Variants in HOXD1 observed in about 807,000 individuals in gnomAD.
The protein encoded by HOXD1 is homeobox protein Hox-D1.
A neutral mutation model predicts 19.9 loss-of-function variants in HOXD1; 17 were observed. The observed-to-expected ratio is 0.85, with a 90% CI of 0.58 to 1.28. The LOEUF is 1.28. Ranked by LOEUF, HOXD1 falls within the 50% of genes most tolerant of loss-of-function variation. HOXD1 has a pLI of 0.00. For synonymous variants in HOXD1, 239 were observed against 216.0 expected (o/e 1.11, Z -0.93); for missense variants, 500 against 460.1 (o/e 1.09, Z -0.79).
Position 176,190,515 on chromosome 2 carries a change from A to G in HOXD1, c.*373A>G. 1 of 203,942 alleles carries G rather than the reference A, an allele frequency of 4.9e-6. No individual in the cohort carries two copies. The highest frequency in any genetic ancestry group is 2.3e-5 in the African/African-American group (1 of 43,454). 12.6% of individuals were successfully genotyped at this position (203,942 alleles called of 1,614,324 possible). A position where few individuals can be genotyped will look rare whatever the true frequency, so the allele number is the denominator to read the frequency against. On this transcript the variant is annotated 3_prime_UTR_variant, in exon 2 of 2. Coordinates refer to ENST00000331462, the MANE Select transcript of HOXD1 (RefSeq NM_024501.3). ...ATGTGCTCAGAAGAGCACCTGCCCA[A>G]AGTTTTTCTGGTTTTAATTTAAAGG...
In HOXD1 at chr2:176,189,127, T is replaced by C. The variant is rs1259731089; in HGVS notation, c.326T>C (p.Leu109Pro). Residue 109 changes from leucine to proline, a missense_variant, in exon 1 of 2, where the codon CTG becomes CCG. Leu to Pro is a moderately conservative substitution (Grantham distance 98, BLOSUM62 -3). Coordinates refer to ENST00000331462, the MANE Select transcript of HOXD1 (RefSeq NM_024501.3). ...GCTGGGGGCGCGGACTACGGCTTCC[T>C]GGGGTCCGGGCCGGCGTACGACTTC... The part of the protein sequence containing the change: ...AAAGGADYGF[L>P]GSGPAYDFPG... 2 of 1,566,910 alleles carry C rather than the reference T, an allele frequency of 1.3e-6. No individual in the cohort carries two copies. Among genetic ancestry groups the C allele is most frequent in the South Asian group, 2.4e-5 (2 of 84,948 alleles).
At position 176,189,452 on chromosome 2, in the gene HOXD1, AG is replaced by A; in HGVS notation, c.652+1del. 6.2e-7 allele frequency: 1 copy of A among 1,611,688 alleles called. No individual in the cohort carries two copies. Among genetic ancestry groups the A allele is most frequent in the African/African-American group, 1.3e-5 (1 of 74,956 alleles). On this transcript the variant is annotated frameshift_variant and splice_region_variant, in exon 1 of 2. Coordinates refer to ENST00000331462, the MANE Select transcript of HOXD1 (RefSeq NM_024501.3). LOFTEE classifies it high-confidence loss of function. ...MKVKRNASKK[G>X]KLAEYGAASP... ...AAGTGAAGAGGAATGCCTCTAAGAA[AG>A]GTAAGTCCGCGGGCCTTGGATGGGG... is the stretch of plus-strand genomic sequence containing the variant.
Position 176,189,359 on chromosome 2 carries a change from C to A in HOXD1, c.558C>A (p.Gly186=), listed in dbSNP as rs1266431776. Residue 186 remains glycine (G), a synonymous_variant, in exon 1 of 2, where the codon GGC becomes GGA. Transcript: ENST00000331462. ...GAFQTASPAP[G]TYPKSVSPAS... ...TCCAGACCGCATCCCCGGCCCCAGG[C>A]ACCTACCCCAAGTCCGTCTCTCCCG... 1 of 1,613,248 alleles carries A rather than the reference C, an allele frequency of 6.2e-7. No homozygotes were observed. Among genetic ancestry groups the A allele is most frequent in the South Asian group, 1.1e-5 (1 of 91,080 alleles).
At position 176,189,066 on chromosome 2, in the gene HOXD1, G is replaced by C. The variant is rs781082887; in HGVS notation, c.265G>C (p.Gly89Arg). Residue 89 changes from glycine (G) to arginine (R), a missense_variant, in exon 1 of 2, where the codon GGG (glycine) becomes CGG (arginine). Gly to Arg is a moderately radical substitution (Grantham distance 125). Transcript: ENST00000331462. ...CCAGTACGCGCAGTGCACCCTGGAG[G>C]GGGCCTACGAACCTGGTGCCGCACC... The part of the protein sequence containing the change: ...APQYAQCTLE[G>R]AYEPGAAPAA... 39 of 1,479,492 alleles carry C rather than the reference G, an allele frequency of 2.6e-5. No individual in the cohort carries two copies. The highest frequency in any genetic ancestry group is 3.5e-5 in the Non-Finnish European group (39 of 1,124,978). 91.6% of individuals were successfully genotyped at this position (1,479,492 alleles called of 1,614,324 possible).
Position 176,189,318 on chromosome 2 carries a change from G to C in HOXD1, c.517G>C (p.Gly173Arg). The C allele has an allele frequency of 6.2e-7, 1 of 1,611,870 alleles. No homozygotes were observed. The highest frequency in any genetic ancestry group is 8.5e-7 in the Non-Finnish European group (1 of 1,179,658). ...FPACLKASADGHPGAFQTASP... is the reference protein window; with the variant it reads ...FPACLKASADRHPGAFQTASP... Reference sequence around the variant, plus strand: ...GGCTTGTCTCAAAGCGTCAGCCGACGGCCACCCTGGTGCTTTCCAGACCGC... The same window carrying C: ...GGCTTGTCTCAAAGCGTCAGCCGACCGCCACCCTGGTGCTTTCCAGACCGC... Residue 173 changes from glycine to arginine, a missense_variant, in exon 1 of 2, where the codon GGC (glycine) becomes CGC (arginine). Coordinates refer to ENST00000331462, the MANE Select transcript of HOXD1 (RefSeq NM_024501.3).
In HOXD1 at chr2:176,188,821, A is replaced by C; in HGVS notation, c.20A>C (p.Tyr7Ser). 1 of 1,609,306 alleles carries C rather than the reference A, an allele frequency of 6.2e-7. No individual in the cohort carries two copies. The highest frequency in any genetic ancestry group is 8.5e-7 in the Non-Finnish European group (1 of 1,178,438). The part of the protein sequence containing the change: MSSYLE[Y>S]VSCSSSGGVG... ...CGAACCATGAGCTCCTACCTGGAGT[A>C]CGTGTCATGCAGCAGCAGCGGCGGG... Residue 7 changes from tyrosine to serine, a missense_variant, in exon 1 of 2, where the codon TAC becomes TCC. By Grantham distance (144) the Tyr-to-Ser change is moderately radical. Transcript: ENST00000331462.
In HOXD1 at chr2:176,189,020, C is replaced by T. The variant is rs544398560; in HGVS notation, c.219C>T (p.Ser73=). 3 of 1,413,688 alleles carry T rather than the reference C, an allele frequency of 2.1e-6. No individual in the cohort carries two copies. Among genetic ancestry groups the T allele is most frequent in the South Asian group, 1.6e-5 (1 of 62,650 alleles). 87.6% of individuals were successfully genotyped at this position (1,413,688 alleles called of 1,614,324 possible). A position where few individuals can be genotyped will look rare whatever the true frequency, so the allele number is the denominator to read the frequency against. Residue 73 remains serine (S), a synonymous_variant, in exon 1 of 2, where the codon TCC becomes TCT. Transcript: ENST00000331462. ...CCCCGGCCGCCCCCGCGCGGCCGTC[C>T]GTACCGCCTCCGGCCGCGCCCCAGT... ...PSPPAAPARP[S]VPPPAAPQYA...
chr2:176,188,703 G>C lies in HOXD1; in HGVS notation c.-99G>C, dbSNP rs1220703427. Reference sequence around the variant, plus strand: ...GGAGAGGGCAGCTCGGGTAGAGAGGGCTGGCGGAGCGGCGCAGACGGCGGC... The same window carrying C: ...GGAGAGGGCAGCTCGGGTAGAGAGGCCTGGCGGAGCGGCGCAGACGGCGGC... On this transcript the variant is annotated 5_prime_UTR_variant, in exon 1 of 2. Coordinates refer to ENST00000331462, the MANE Select transcript of HOXD1 (RefSeq NM_024501.3). 2 of 1,266,004 alleles carry C rather than the reference G, an allele frequency of 1.6e-6. No homozygotes were observed. The highest frequency in any genetic ancestry group is 2.6e-5 in the South Asian group (2 of 77,742). 78.4% of individuals were successfully genotyped at this position (1,266,004 alleles called of 1,614,324 possible).
Position 176,188,787 on chromosome 2 carries a change from G to T in HOXD1, c.-15G>T. 1 of 1,606,308 alleles carries T rather than the reference G, an allele frequency of 6.2e-7. No homozygotes were observed. The highest frequency in any genetic ancestry group is 8.5e-7 in the Non-Finnish European group (1 of 1,177,206). On this transcript the variant is annotated 5_prime_UTR_variant, in exon 1 of 2. In the 5' UTR this introduces an upstream ATG that the reference lacks. Coordinates refer to ENST00000331462, the MANE Select transcript of HOXD1 (RefSeq NM_024501.3). The stretch of plus-strand genomic sequence containing the variant: ...CGGCCCCGGCCTGCGCCCTCAGAAA[G>T]GTGGGGCCCGAACCATGAGCTCCTA...
chr2:176,190,006 A>G lies in HOXD1; in HGVS notation c.851A>G (p.Gln284Arg), dbSNP rs1258166952. 3 of 1,614,126 alleles carry G rather than the reference A, an allele frequency of 1.9e-6. No individual in the cohort carries two copies. Among genetic ancestry groups the G allele is most frequent in the African/African-American group, 2.7e-5 (2 of 75,038 alleles). ...KIWFQNRRMKQKKREREGLLA... is the reference protein window; with the variant it reads ...KIWFQNRRMKRKKREREGLLA... ...TGGTTCCAGAACCGCAGGATGAAAC[A>G]GAAGAAAAGGGAACGAGAAGGGCTT... The change falls in exon 2 of 2, where the codon CAG becomes CGG. Residue 284 changes from glutamine to arginine, a missense_variant. By Grantham distance (43) the Gln-to-Arg change is conservative (BLOSUM62 1). Coordinates refer to ENST00000331462, the MANE Select transcript of HOXD1 (RefSeq NM_024501.3).
Position 176,189,813 on chromosome 2 carries a change from C to T in HOXD1, c.658C>T (p.Leu220Phe), listed in dbSNP as rs746429845. ...GCCCTGTCTTTACGTTGCAGGCAAA[C>T]TCGCCGAGTATGGGGCCGCTAGCCC... ...VKRNASKKGK[L>F]AEYGAASPSS... The change falls in exon 2 of 2, where the codon CTC (leucine) becomes TTC (phenylalanine). Residue 220 changes from leucine (L) to phenylalanine (F), a missense_variant. Physicochemically the swap from Leu to Phe is conservative, Grantham distance 22. Coordinates refer to ENST00000331462, the MANE Select transcript of HOXD1 (RefSeq NM_024501.3). The T allele has an allele frequency of 1.2e-5, 19 of 1,613,236 alleles. No individual in the cohort carries two copies. The highest frequency in any genetic ancestry group is 1.7e-5 in the Admixed American group (1 of 59,952).
rs771579282 is a variant in HOXD1 at position 176,189,729 on chromosome 2, G to C, written c.653-79G>C. On this transcript the variant is annotated intron_variant, in intron 1 of 1. Transcript: ENST00000331462. ...CCCAGGAGGGCTGCGCTGGGACTTTGATTCTAACTAGCTCCACTGCTCACC... is the reference window on the plus strand; with the variant it reads ...CCCAGGAGGGCTGCGCTGGGACTTTCATTCTAACTAGCTCCACTGCTCACC... 8.1e-6 allele frequency: 13 copies of C among 1,611,816 alleles called. No individual in the cohort carries two copies. In the East Asian group the frequency reaches 2.9e-4, roughly 36 times the overall value.
chr2:176,189,451 A>C lies in HOXD1; in HGVS notation c.650A>C (p.Lys217Thr). The C allele has an allele frequency of 6.2e-7, 1 of 1,611,694 alleles. No individual in the cohort carries two copies. The highest frequency in any genetic ancestry group is 1.7e-5 in the Admixed American group (1 of 59,980). Residue 217 changes from lysine to threonine, a missense_variant and splice_region_variant, in exon 1 of 2, where the codon AAA (lysine) becomes ACA (threonine). Physicochemically the swap from Lys to Thr is moderately conservative, Grantham distance 78. Transcript: ENST00000331462. ...WMKVKRNASK[K>T]GKLAEYGAAS... ...AAAGTGAAGAGGAATGCCTCTAAGA[A>C]AGGTAAGTCCGCGGGCCTTGGATGG...
intron 1 of HOXD1, 175 bp downstream of exon 1, chr2:176,189,628 T>C: frequency 6.4e-7 from 1 of 1,564,238 alleles, no homozygotes; most frequent in Non-Finnish European, 8.7e-7. Flanking sequence ...ATTCGGAAAA[T>C]GTGCCAGGCA....
At position 176,189,115 on chromosome 2, in the gene HOXD1, A is replaced by G. The variant is rs930701548; in HGVS notation, c.314A>G (p.Asp105Gly). The G allele has an allele frequency of 1.9e-6, 3 of 1,552,946 alleles. No homozygotes were observed. Among genetic ancestry groups the G allele is most frequent in the Non-Finnish European group, 8.6e-7 (1 of 1,156,750 alleles). Residue 105 changes from aspartate (D) to glycine (G), a missense_variant, in exon 1 of 2, where the codon GAC (aspartate) becomes GGC (glycine). By Grantham distance (94) the Asp-to-Gly change is moderately conservative. Coordinates refer to ENST00000331462, the MANE Select transcript of HOXD1 (RefSeq NM_024501.3). ...AAPAAAAGGADYGFLGSGPAY... is the reference protein window; with the variant it reads ...AAPAAAAGGAGYGFLGSGPAY... ...CCTGCCGCGGCAGCTGGGGGCGCGGACTACGGCTTCCTGGGGTCCGGGCCG... is the reference window on the plus strand; with the variant it reads ...CCTGCCGCGGCAGCTGGGGGCGCGGGCTACGGCTTCCTGGGGTCCGGGCCG...
chr2:176,188,689 C>A lies in HOXD1; in HGVS notation c.-113C>A. On this transcript the variant is annotated 5_prime_UTR_variant, in exon 1 of 2. Coordinates refer to ENST00000331462, the MANE Select transcript of HOXD1 (RefSeq NM_024501.3). ...ACTCGCCATGGGTTGGAGAGGGCAG[C>A]TCGGGTAGAGAGGGCTGGCGGAGCG... is the stretch of plus-strand genomic sequence containing the variant. The A allele has an allele frequency of 8.8e-7, 1 of 1,131,006 alleles. No homozygotes were observed. Among genetic ancestry groups the A allele is most frequent in the Non-Finnish European group, 1.3e-6 (1 of 773,814 alleles). 70.1% of individuals were successfully genotyped at this position (1,131,006 alleles called of 1,614,324 possible). A position where few individuals can be genotyped will look rare whatever the true frequency, so the allele number is the denominator to read the frequency against.
rs1394794383 is a variant in HOXD1, at chr2:176,190,485, C to T, written c.*343C>T. On this transcript the variant is annotated 3_prime_UTR_variant, in exon 2 of 2. Transcript: ENST00000331462. ...CATTAGTTGCTGAGTTCTGTCAGCA[C>T]TCTGATGTGCTCAGAAGAGCACCTG... 1.4e-5 allele frequency: 4 copies of T among 285,632 alleles called. No homozygotes were observed. In the Admixed American group the frequency reaches 1.9e-4, roughly 14 times the overall value. 17.7% of individuals were successfully genotyped at this position (285,632 alleles called of 1,614,324 possible).
chr2:176,188,763 G>C lies in HOXD1; in HGVS notation c.-39G>C, dbSNP rs768223919. 6.3e-7 allele frequency: 1 copy of C among 1,593,190 alleles called. No individual in the cohort carries two copies. Among genetic ancestry groups the C allele is most frequent in the Non-Finnish European group, 8.5e-7 (1 of 1,170,384 alleles). The stretch of plus-strand genomic sequence containing the variant: ...CAGCCTCTGCCCGGCTCCGTACTCC[G>C]GCCCCGGCCTGCGCCCTCAGAAAGG... On this transcript the variant is annotated 5_prime_UTR_variant, in exon 1 of 2. Coordinates refer to ENST00000331462, the MANE Select transcript of HOXD1 (RefSeq NM_024501.3).
chr2:176,188,894 C>T lies in HOXD1; in HGVS notation c.93C>T (p.Asp31=). The change falls in exon 1 of 2, where the codon GAC becomes GAT. Residue 31 remains aspartate (D), a synonymous_variant. Coordinates refer to ENST00000331462, the MANE Select transcript of HOXD1 (RefSeq NM_024501.3). ...LSLAPKFCRS[D]ARPVALQPAF... ...TGGCACCCAAGTTCTGCCGCTCCGA[C>T]GCCCGGCCCGTGGCTCTGCAGCCCG... is the stretch of plus-strand genomic sequence containing the variant. 1 of 1,592,486 alleles carries T rather than the reference C, an allele frequency of 6.3e-7. No homozygotes were observed. Among genetic ancestry groups the T allele is most frequent in the Non-Finnish European group, 8.5e-7 (1 of 1,174,030 alleles).
Sources: allele counts gnomAD v4.1 joint callset, GRCh38; gene constraint gnomAD v4.1.1; transcripts MANE v1.5; gene names NCBI Gene and HGNC (gene_info 2026-07-23, HGNC 2026-07-21).